Variants in CNTNAP2 observed in about 807,000 individuals in gnomAD.
CNTNAP2 encodes the protein contactin-associated protein-like 2.
In CNTNAP2, 98 loss-of-function variants were observed where a neutral mutation model predicts 155.2. That is an observed-to-expected ratio of 0.63 (90% CI 0.54 to 0.75). CNTNAP2 has a LOEUF of 0.75. Among genes scored for constraint, CNTNAP2 ranks in the 30% least tolerant of loss-of-function variants. The pLI, the probability that CNTNAP2 is intolerant of heterozygous loss-of-function variation, is 0.00. For missense variants in CNTNAP2, 1,727 were observed against 1,688.1 expected, an observed-to-expected ratio of 1.02 and a Z score of -0.40; for synonymous variants, 651 against 631.2, an observed-to-expected ratio of 1.03 and a Z score of -0.47.
At chr7:146,338,818 T>G (rs952558186) in intron 1 of CNTNAP2, among the ~76,000 whole-genome samples, 3 of 152,100 alleles carry the variant, frequency 2.0e-5, no homozygotes, top group South Asian at 2.1e-4. Context: ...CTGTTACAAG[T>G]GTATTTTATA....
chr7:147,122,617 G>A (rs532593269), intron 6 of CNTNAP2: 1 of 152,142 alleles, frequency 6.6e-6, no homozygotes, highest in African/African-American at 2.4e-5. Context: ...AGAGTAATGA[G>A]AGTAATGACC....
At chr7:148,405,971 G>A (rs920892305) in intron 22 of CNTNAP2, among the ~76,000 whole-genome samples, 1 of 151,994 alleles carries the variant, frequency 6.6e-6, no homozygotes, top group African/African-American at 2.4e-5. Flanking sequence ...GGTGGCTCAC[G>A]CCTGTAATCC....
At chr7:148,015,521 T>A (rs2116911238) in intron 15 of CNTNAP2, among the ~76,000 whole-genome samples, 1 of 152,306 alleles carries the variant, frequency 6.6e-6, no homozygotes, top group Non-Finnish European at 1.5e-5. Context: ...GCTGCTACTG[T>A]TCTGTGCAAG....
intron 10 of CNTNAP2, among the ~76,000 whole-genome samples, chr7:147,411,394 T>C (rs1167063419): frequency 2.0e-5 from 3 of 152,204 alleles, no homozygotes; most frequent in Admixed American, 2.0e-4. Context: ...GAAGTGAAAG[T>C]TTGGGTCTCA....
At chr7:148,306,746 C>T (rs535921286) in intron 21 of CNTNAP2, among the ~76,000 whole-genome samples, 1 of 151,806 alleles carries the variant, frequency 6.6e-6, no homozygotes, top group South Asian at 2.1e-4. Context: ...CTTCAAGTAG[C>T]TTTCTTTGGT....
chr7:147,121,455 C>T (rs1026893453), intron 6 of CNTNAP2: 4 of 320,978 alleles, frequency 1.2e-5, no homozygotes, highest in Non-Finnish European at 2.4e-5. Flanking sequence ...ATTTGTAATC[C>T]TTTCATTGGT....
At position 146,782,898 on chromosome 7, in the gene CNTNAP2, C is replaced by T. The variant is rs142517762; in HGVS notation, c.208+8517C>T. On this transcript the variant is annotated intron_variant, in intron 2 of 23. Coordinates refer to ENST00000361727, the MANE Select transcript of CNTNAP2 (RefSeq NM_014141.6). ...TTAAATACCTTTGTCATTACAAAGA[C>T]GATGCCTCCTTAAAAATTTATTGTT... Among the ~76,000 whole-genome samples the T allele has an allele frequency of 4.9e-3, 748 of 152,230 alleles. 2 individuals are homozygous for T. The highest frequency in any genetic ancestry group is 0.016 in the African/African-American group (658 of 41,544).
At chr7:148,109,454 G>T (rs771674281) in intron 15 of CNTNAP2, among the ~76,000 whole-genome samples, 1 of 151,996 alleles carries the variant, frequency 6.6e-6, no homozygotes, top group African/African-American at 2.4e-5. Flanking sequence ...GTGCGATCTC[G>T]GCTCACCGCA....
At chr7:146,932,720 A>G (rs770572375) in intron 3 of CNTNAP2, among the ~76,000 whole-genome samples, 4 of 152,228 alleles carry the variant, frequency 2.6e-5, no homozygotes, top group Admixed American at 6.5e-5. Flanking sequence ...CCTTAAGCTG[A>G]TAAGCAACTT....
Position 147,121,072 on chromosome 7 carries a change from G to A in CNTNAP2, c.848G>A (p.Arg283His), listed in dbSNP as rs764747425. The change falls in exon 6 of 24, where the codon CGC becomes CAC. Residue 283 changes from arginine to histidine, a missense_variant. Transcript: ENST00000361727. ...CACTGGCACTCTGTGGTCATTGAGC[G>A]CCAGGGGCGGAGCATTAACCTCACT... The part of the protein sequence containing the change: ...DHHWHSVVIE[R>H]QGRSINLTLD... The A allele has an allele frequency of 1.7e-5, 27 of 1,613,958 alleles. No homozygotes were observed. The highest frequency in any genetic ancestry group is 2.7e-5 in the African/African-American group (2 of 74,918).
intron 8 of CNTNAP2, among the ~76,000 whole-genome samples, chr7:147,229,284 T>C (rs1213679158): frequency 1.3e-5 from 2 of 152,150 alleles, no homozygotes; most frequent in African/African-American, 4.8e-5. Flanking sequence ...TCCTTGAAAA[T>C]TGCTGTTAGA....
At chr7:146,636,274 T>C (rs1198419350) in intron 1 of CNTNAP2, among the ~76,000 whole-genome samples, 7 of 152,124 alleles carry the variant, frequency 4.6e-5, no homozygotes, top group African/African-American at 1.2e-4. Context: ...TCAAAACTTA[T>C]GGAACTGTAT....
intron 1 of CNTNAP2, among the ~76,000 whole-genome samples, chr7:146,443,776 C>T (rs6464761): frequency 0.017 from 2,579 of 152,196 alleles, 75 homozygotes; most frequent in African/African-American, 0.058. Context: ...CTAGCGCTGT[C>T]AATAGTGTGA....
chr7:148,072,617 T>C (rs1455851190), intron 15 of CNTNAP2, among the ~76,000 whole-genome samples: 1 of 152,194 alleles, frequency 6.6e-6, no homozygotes, highest in Admixed American at 6.5e-5. Flanking sequence ...TGCCAACCCA[T>C]TATCTAAACG....
At chr7:146,818,775 A>G (rs1803222080) in intron 2 of CNTNAP2, among the ~76,000 whole-genome samples, 1 of 152,168 alleles carries the variant, frequency 6.6e-6, no homozygotes, top group Admixed American at 6.5e-5. Flanking sequence ...AGCATTCTTG[A>G]TATTTAAAAA....
intron 21 of CNTNAP2, among the ~76,000 whole-genome samples, chr7:148,313,827 G>A (rs1797639288): frequency 6.6e-6 from 1 of 152,124 alleles, no homozygotes; most frequent in South Asian, 2.1e-4. Flanking sequence ...AGGGTCTAGG[G>A]CTATAAAGCG....
At chr7:147,141,847 C>T (rs10263495) in intron 8 of CNTNAP2, among the ~76,000 whole-genome samples, 90,863 of 151,880 alleles carry the variant, frequency 0.6, 27,405 homozygotes, top group Middle Eastern at 0.71. Flanking sequence ...GTTTCTAATT[C>T]TGTCTCCCAT....
At chr7:147,354,074 A>T (rs1360542987) in intron 9 of CNTNAP2, among the ~76,000 whole-genome samples, 1 of 151,794 alleles carries the variant, frequency 6.6e-6, no homozygotes, top group East Asian at 1.9e-4. Flanking sequence ...ATTTTCTCCC[A>T]TTCTGTAGGT....
chr7:147,190,649 C>A (rs2116522349), intron 8 of CNTNAP2, among the ~76,000 whole-genome samples: 1 of 152,092 alleles, frequency 6.6e-6, no homozygotes, highest in South Asian at 2.1e-4. Flanking sequence ...CATGGCAATT[C>A]CTGGAGAAAA....
Sources: gnomAD v4.1 joint callset for allele counts (sites outside exome capture counted in the v4.1 genomes callset) on GRCh38, gnomAD v4.1.1 for gene constraint, MANE v1.5 for transcripts, NCBI Gene and HGNC (gene_info 2026-07-23, HGNC 2026-07-21) for gene names.